Variants in LPO observed in about 807,000 individuals in gnomAD.
The protein encoded by LPO is lactoperoxidase, also known as salivary peroxidase.
Under a neutral mutation model 68.4 loss-of-function variants are expected in LPO, and 70 were observed. The ratio of observed to expected loss-of-function variants is 1.02; its 90% CI spans 0.84 to 1.25. The LOEUF (loss-of-function observed/expected upper bound fraction) is 1.25, where lower values mean the gene tolerates loss of function less well. Ranked by LOEUF, LPO falls within the 50% of genes most tolerant of loss-of-function variation. The probability of loss-of-function intolerance (pLI) is 0.00; values close to 1 mark genes in which losing one functional copy is unlikely to be tolerated. For synonymous variants in LPO, 360 were observed against 357.6 expected (o/e 1.01, Z -0.08); for missense variants, 873 against 908.4 (o/e 0.96, Z 0.50).
intron 5 of LPO, 52 bp downstream of exon 5, chr17:58,249,229 C>A: frequency 6.6e-7 from 1 of 1,506,934 alleles, no homozygotes; most frequent in Non-Finnish European, 9.2e-7. Flanking sequence ...TCCGCCCCGC[C>A]CTGCCAAGGC....
At chr17:58,239,710 G>C (rs924600431) in intron 1 of LPO, among the ~76,000 whole-genome samples, 2 of 152,058 alleles carry the variant, frequency 1.3e-5, no homozygotes, top group Admixed American at 1.3e-4. Context: ...GGAAGGCCTT[G>C]GTACTCAGAG....
At position 58,268,056 on chromosome 17, in the gene LPO, G is replaced by T; in HGVS notation, c.*62G>T. 6.5e-7 allele frequency: 1 copy of T among 1,534,940 alleles called. No individual in the cohort carries two copies. Among genetic ancestry groups the T allele is most frequent in the South Asian group, 1.1e-5 (1 of 88,626 alleles). On this transcript the variant is annotated 3_prime_UTR_variant, in exon 13 of 13. Transcript: ENST00000262290. ...CAGGGCCATTTCAAGCAAGTTCAAT[G>T]ACCTGGTCCCTTAGAGCTCCATATC...
chr17:58,243,600 C>G, intron 2 of LPO: 1 of 274,680 alleles, frequency 3.6e-6, no homozygotes, highest in Non-Finnish European at 7.0e-6. Flanking sequence ...ATGCCATCCC[C>G]TTCTGTACGT....
At chr17:58,253,386 T>C (rs2143915066) in intron 8 of LPO, among the ~76,000 whole-genome samples, 1 of 152,396 alleles carries the variant, frequency 6.6e-6, no homozygotes, top group South Asian at 2.1e-4. Context: ...GTTGTTTAGG[T>C]AATGAACATC....
rs753717146 is a variant in LPO, at chr17:58,244,129, ACACT to A, written c.164+49_164+52del. The stretch of plus-strand genomic sequence containing the variant: ...CACACACACACACACACACACACAC[ACACT>A]TCCCTTCACAGGCTTCCTGTTCATG... On this transcript the variant is annotated intron_variant, in intron 3 of 12. Transcript: ENST00000262290. 6.6e-6 allele frequency: 8 copies of A among 1,214,430 alleles called. No homozygotes were observed. In the African/African-American group the frequency reaches 1.1e-4, roughly 16 times the overall value. The allele number at this position is 1,214,430 out of a possible 1,614,324, so 75.2% of individuals were successfully genotyped here.
chr17:58,261,848 G>T (rs8178379), intron 9 of LPO, among the ~76,000 whole-genome samples: 6,756 of 152,250 alleles, frequency 0.044, 503 homozygotes, highest in African/African-American at 0.15. Context: ...AAGATAGAGA[G>T]AGAGATAGAG....
At chr17:58,267,708 G>A in intron 12 of LPO, 79 bp from the exon 13 acceptor site, 2 of 1,492,520 alleles carry the variant, frequency 1.3e-6, no homozygotes, top group Non-Finnish European at 1.9e-6. Flanking sequence ...TGGTCCCTGT[G>A]ACCCTTTCCT....
intron 1 of LPO, among the ~76,000 whole-genome samples, chr17:58,241,639 G>T (rs1441234611): frequency 6.6e-6 from 1 of 152,148 alleles, no homozygotes; most frequent in Non-Finnish European, 1.5e-5. Context: ...AGCTGTTTGA[G>T]AACTCATCTT....
In LPO at chr17:58,250,573, C is replaced by T; in HGVS notation, c.732C>T (p.Ala244=). The T allele has an allele frequency of 7.4e-6, 12 of 1,614,066 alleles. No individual in the cohort carries two copies. The highest frequency in any genetic ancestry group is 1.0e-5 in the Non-Finnish European group (12 of 1,180,012). The change falls in exon 7 of 13, where the codon GCC becomes GCT. Residue 244 remains alanine, a synonymous_variant. Transcript: ENST00000262290. ...TGGGGAGTAGCGAGTACTCCAAAGC[C>T]CAGTGTGATGAGTACTGTATCCAGG... ...TELGSSEYSK[A]QCDEYCIQGD...
At chr17:58,248,635 G>T (rs754047507) in intron 4 of LPO, among the ~76,000 whole-genome samples, 6 of 152,070 alleles carry the variant, frequency 3.9e-5, no homozygotes, top group Non-Finnish European at 7.4e-5. Flanking sequence ...GTCCCTGCTT[G>T]CTTGGTACTT....
In LPO at chr17:58,252,212, CA is replaced by C; in HGVS notation, c.813del (p.Lys273AsnfsTer28). On this transcript the variant is annotated frameshift_variant, in exon 8 of 13. Coordinates refer to ENST00000262290, the MANE Select transcript of LPO (RefSeq NM_006151.3). LOFTEE classifies it high-confidence loss of function. ...ACCCAATGACCCCAAGGCGGGGACT[CA>C]AGGGAAATGCATGCCTTTCTTCCGA... ...FPPNDPKAGT[Q>X]GKCMPFFRAG... The C allele has an allele frequency of 6.2e-7, 1 of 1,614,146 alleles. No homozygotes were observed. Among genetic ancestry groups the C allele is most frequent in the Non-Finnish European group, 8.5e-7 (1 of 1,180,012 alleles).
chr17:58,247,575 G>A lies in LPO; in HGVS notation c.262G>A (p.Gly88Arg). 1.2e-6 allele frequency: 2 copies of A among 1,614,186 alleles called. No individual in the cohort carries two copies. The highest frequency in any genetic ancestry group is 1.6e-4 in the Middle Eastern group (1 of 6,062). Residue 88 changes from glycine (G) to arginine (R), a missense_variant, in exon 4 of 13, where the codon GGA (glycine) becomes AGA (arginine). Physicochemically the swap from Gly to Arg is moderately radical, Grantham distance 125. Coordinates refer to ENST00000262290, the MANE Select transcript of LPO (RefSeq NM_006151.3). ...CCGGACGCGCACAGCCATCCGCAAT[G>A]GACAGGTGTGGGAGGAGTCTTTAAA... ...KGRTRTAIRNGQVWEESLKRL... is the reference protein window; with the variant it reads ...KGRTRTAIRNRQVWEESLKRL...
At chr17:58,250,741 C>T (rs1406763781) in intron 7 of LPO, 120 bp downstream of exon 7, 1 of 1,012,190 alleles carries the variant, frequency 9.9e-7, no homozygotes, top group Non-Finnish European at 1.5e-6. Context: ...GGTAGTTTCC[C>T]ATGCCTCACG....
intron 9 of LPO, among the ~76,000 whole-genome samples, chr17:58,260,328 G>A (rs1970153845): frequency 1.3e-5 from 2 of 152,140 alleles, no homozygotes; most frequent in African/African-American, 2.4e-5. Flanking sequence ...AAAGACAGTT[G>A]TGTTTCTTCT....
At position 58,244,129 on chromosome 17, in the gene LPO, A is replaced by G. The variant is rs953753323; in HGVS notation, c.164+48A>G. On this transcript the variant is annotated intron_variant, in intron 3 of 12. Transcript: ENST00000262290. ...CACACACACACACACACACACACAC[A>G]CACTTCCCTTCACAGGCTTCCTGTT... is the stretch of plus-strand genomic sequence containing the variant. The G allele has an allele frequency of 1.7e-5, 21 of 1,214,544 alleles. No individual in the cohort carries two copies. The African/African-American group carries it at 2.5e-4, about 14-fold the overall frequency. 75.2% of individuals were successfully genotyped at this position (1,214,544 alleles called of 1,614,324 possible).
chr17:58,249,501 G>T, intron 5 of LPO, 65 bp from the exon 6 acceptor site: 1 of 1,557,888 alleles, frequency 6.4e-7, no homozygotes. Context: ...TCCCCCATGG[G>T]GTCCTGGGCT....
intron 7 of LPO, chr17:58,251,415 T>G (rs1345067754): frequency 5.3e-5 from 9 of 168,508 alleles, no homozygotes; most frequent in Non-Finnish European, 1.3e-5. Context: ...CTGCTGTACA[T>G]CATCGTGGAG....
chr17:58,242,949 T>C, intron 1 of LPO, 29 bp from the exon 2 acceptor site: 1 of 1,606,318 alleles, frequency 6.2e-7, no homozygotes, highest in Non-Finnish European at 8.5e-7. Flanking sequence ...CTAGAGAGGC[T>C]CACAGTGTGA....
At chr17:58,265,512 G>A (rs528423026) in intron 10 of LPO, among the ~76,000 whole-genome samples, 76 of 149,630 alleles carry the variant, frequency 5.1e-4, no homozygotes, top group African/African-American at 1.7e-3. Context: ...ATTATGCAAC[G>A]TTCCTCAGCA....
Sources: gnomAD v4.1 joint callset for allele counts (sites outside exome capture counted in the v4.1 genomes callset) on GRCh38, gnomAD v4.1.1 for gene constraint, MANE v1.5 for transcripts, NCBI Gene and HGNC (gene_info 2026-07-23, HGNC 2026-07-21) for gene names.